CSMD3: variants seen among roughly 807,000 people sequenced by gnomAD.
The protein encoded by CSMD3 is CUB and Sushi multiple domains 3.
In CSMD3, 177 loss-of-function variants were observed where a neutral mutation model predicts 435.2. That is an observed-to-expected ratio of 0.41 (90% CI 0.36 to 0.46). CSMD3 has a LOEUF of 0.46. Ranked by LOEUF, CSMD3 falls within the 20% of genes least tolerant of loss-of-function variation. CSMD3 has a pLI of 0.34. For synonymous variants in CSMD3, 1,656 were observed against 1,520.5 expected, an observed-to-expected ratio of 1.09 and a Z score of -2.07; for missense variants, 4,265 against 4,504.6, an observed-to-expected ratio of 0.95 and a Z score of 1.52.
chr8:113,376,929 G>C (rs559206911), intron 1 of CSMD3: 1 of 1,533,024 alleles, frequency 6.5e-7, no homozygotes, highest in Non-Finnish European at 8.9e-7. Context: ...GGGCCATAAC[G>C]GATGACGTGC....
At chr8:112,430,774 G>A (rs1813584439) in intron 32 of CSMD3, among the ~76,000 whole-genome samples, 2 of 152,156 alleles carry the variant, frequency 1.3e-5, no homozygotes, top group South Asian at 4.2e-4. Context: ...TCTAGAGATT[G>A]ATGGTGCGGA....
intron 13 of CSMD3, among the ~76,000 whole-genome samples, chr8:112,718,423 C>A (rs2076781448): frequency 6.6e-6 from 1 of 151,844 alleles, no homozygotes; most frequent in African/African-American, 2.4e-5. Context: ...CAAAATCACA[C>A]TTTGATAGGC....
intron 1 of CSMD3, among the ~76,000 whole-genome samples, chr8:113,339,111 T>C (rs1023748519): frequency 6.6e-6 from 1 of 151,968 alleles, no homozygotes; most frequent in African/African-American, 2.4e-5. Flanking sequence ...TATAACAGAA[T>C]AATAAGAATA....
At chr8:113,309,871 C>T (rs940863660) in intron 2 of CSMD3, 1 of 152,130 alleles carries the variant, frequency 6.6e-6, no homozygotes, top group East Asian at 1.9e-4. Flanking sequence ...TACTGTTGAC[C>T]AAGGGATGGT....
At chr8:113,343,992 A>C (rs2094136515) in intron 1 of CSMD3, among the ~76,000 whole-genome samples, 1 of 152,152 alleles carries the variant, frequency 6.6e-6, no homozygotes, top group African/African-American at 2.4e-5. Context: ...ATATTTAAAA[A>C]CAATCAAATT....
intron 31 of CSMD3, among the ~76,000 whole-genome samples, chr8:112,487,953 A>T (rs894335674): frequency 1.3e-5 from 2 of 152,218 alleles, no homozygotes; most frequent in African/African-American, 4.8e-5. Flanking sequence ...TAAGAAAAAT[A>T]AACAGGGAAG....
chr8:112,575,190 C>G (rs889788741), intron 23 of CSMD3, among the ~76,000 whole-genome samples: 3 of 151,910 alleles, frequency 2.0e-5, no homozygotes, highest in African/African-American at 7.2e-5. Flanking sequence ...TTTTCCACGG[C>G]TCCTAAATGT....
chr8:112,286,023 T>G lies in CSMD3; in HGVS notation c.9331+1041A>C, dbSNP rs371503896. Among the ~76,000 whole-genome samples, 129 of 152,248 alleles carry G rather than the reference T, an allele frequency of 8.5e-4. 2 individuals carry two copies. The South Asian group carries it at 0.025, about 30-fold the overall frequency. ...AGGCTTCAGCCACAACTGGCACTCT[T>G]GTAAAGATTTAATTATGTTAACTCT... On this transcript the variant is annotated intron_variant, in intron 58 of 70. Coordinates refer to ENST00000297405, the MANE Select transcript of CSMD3 (RefSeq NM_198123.2).
chr8:113,048,423 G>A (rs2087938808), intron 5 of CSMD3, among the ~76,000 whole-genome samples: 1 of 151,998 alleles, frequency 6.6e-6, no homozygotes, highest in Admixed American at 6.6e-5. Context: ...AAAAATCAGT[G>A]GCAATAAAGT....
At chr8:113,376,706 G>C (rs370985480) in intron 1 of CSMD3, 10 of 1,613,464 alleles carry the variant, frequency 6.2e-6, no homozygotes, top group Non-Finnish European at 7.6e-6. Flanking sequence ...CGAAAGGTTC[G>C]GCGCAAGGAG....
In CSMD3 at chr8:112,329,221, A is replaced by G. The variant is rs150628842; in HGVS notation, c.7165+6108T>C. On this transcript the variant is annotated intron_variant, in intron 45 of 70. Coordinates refer to ENST00000297405, the MANE Select transcript of CSMD3 (RefSeq NM_198123.2). ...ATAGACCTGGCTCTAATTGATAGGCATTGTCTCCTGTTAAACATAAACAGT... is the reference window on the plus strand; with the variant it reads ...ATAGACCTGGCTCTAATTGATAGGCGTTGTCTCCTGTTAAACATAAACAGT... 3.3e-5 allele frequency among the ~76,000 whole-genome samples: 5 copies of G among 152,224 alleles called. No individual in the cohort carries two copies. The East Asian group carries it at 9.7e-4, about 29-fold the overall frequency.
chr8:113,431,117 A>C (rs1441017481), intron 1 of CSMD3, among the ~76,000 whole-genome samples: 1 of 152,170 alleles, frequency 6.6e-6, no homozygotes, highest in African/African-American at 2.4e-5. Flanking sequence ...GCAGGCATGG[A>C]GGTAGGTATA....
At chr8:112,599,860 G>A (rs1421097175) in intron 22 of CSMD3, among the ~76,000 whole-genome samples, 42 of 89,438 alleles carry the variant, frequency 4.7e-4, no homozygotes, top group Admixed American at 3.1e-3. Context: ...CACACTCTGG[G>A]GACTGTGGTG....
chr8:112,313,867 G>A (rs200292977), intron 49 of CSMD3, 39 bp downstream of exon 49: 19 of 1,509,348 alleles, frequency 1.3e-5, no homozygotes, highest in Non-Finnish European at 9.2e-7. Context: ...TACCGAAGAT[G>A]ATAGTGAGAT....
At chr8:113,140,254 G>A (rs967740910) in intron 4 of CSMD3, among the ~76,000 whole-genome samples, 2 of 150,662 alleles carry the variant, frequency 1.3e-5, no homozygotes, top group African/African-American at 4.9e-5. Context: ...TTTTTTGTGT[G>A]TAAAGCAAAA....
At chr8:113,321,885 T>C (rs913004252) in intron 1 of CSMD3, among the ~76,000 whole-genome samples, 2 of 152,200 alleles carry the variant, frequency 1.3e-5, no homozygotes, top group Non-Finnish European at 2.9e-5. Context: ...GAACTTATAA[T>C]ACTCACTGAG....
chr8:113,390,234 G>A (rs1365467756), intron 1 of CSMD3, among the ~76,000 whole-genome samples: 1 of 151,734 alleles, frequency 6.6e-6, no homozygotes, highest in Non-Finnish European at 1.5e-5. Context: ...TCTATCCTCT[G>A]AATCTTACAT....
intron 4 of CSMD3, among the ~76,000 whole-genome samples, chr8:113,172,389 A>G (rs1209848969): frequency 2.0e-5 from 3 of 152,152 alleles, no homozygotes; most frequent in Non-Finnish European, 2.9e-5. Context: ...GTTATTCAAT[A>G]TTAGTAGCAA....
chr8:112,509,331 G>C (rs1190973227), intron 28 of CSMD3, among the ~76,000 whole-genome samples: 2 of 151,744 alleles, frequency 1.3e-5, no homozygotes, highest in South Asian at 2.1e-4. Context: ...TCAAGTGATG[G>C]GCCCACCTCA....
Sources: gnomAD v4.1 joint callset for allele counts (sites outside exome capture counted in the v4.1 genomes callset) on GRCh38, gnomAD v4.1.1 for gene constraint, MANE v1.5 for transcripts, NCBI Gene and HGNC (gene_info 2026-07-23, HGNC 2026-07-21) for gene names.